TENM2: variants seen among roughly 807,000 people sequenced by gnomAD.
TENM2 encodes teneurin transmembrane protein 2.
A neutral mutation model predicts 245.2 loss-of-function variants in TENM2; 52 were observed. That is an observed-to-expected ratio of 0.21 (90% CI 0.17 to 0.27). TENM2 has a LOEUF of 0.27. Ranked by LOEUF, TENM2 falls within the 10% of genes least tolerant of loss-of-function variation. The probability of loss-of-function intolerance (pLI) is 1.00; values close to 1 mark genes in which losing one functional copy is unlikely to be tolerated. For synonymous variants in TENM2, 1,363 were observed against 1,438.9 expected, an observed-to-expected ratio of 0.95 and a Z score of 1.19; for missense variants, 3,046 against 3,666.8, an observed-to-expected ratio of 0.83 and a Z score of 4.37.
the TENM2 span, among the ~76,000 whole-genome samples, chr5:167,255,057 G>A: frequency 6.7e-6 from 1 of 149,002 alleles, no homozygotes; most frequent in Non-Finnish European, 1.5e-5. Context: ...TACAGAGAAT[G>A]TATTTCTTTT....
exon 12 of TENM2, chr5:168,126,847 G>A (rs1467554495): frequency 2.5e-6 from 4 of 1,611,018 alleles, no homozygotes; most frequent in South Asian, 2.2e-5. Context: ...TGTGACCAGC[G>A]CGTGTGCCAC....
At chr5:167,356,844 A>G (rs1223177802) in intron 1 of TENM2, among the ~76,000 whole-genome samples, 2 of 152,232 alleles carry the variant, frequency 1.3e-5, no homozygotes, top group Non-Finnish European at 2.9e-5. Context: ...TTCTCCATAA[A>G]AAGACATTTA....
intron 1 of TENM2, among the ~76,000 whole-genome samples, chr5:167,307,735 A>G (rs1561851014): frequency 6.6e-6 from 1 of 152,218 alleles, no homozygotes; most frequent in Non-Finnish European, 1.5e-5. Flanking sequence ...ACATTAAGTA[A>G]AAAAAGAAAA....
At chr5:168,142,311 A>G (rs954579003) in intron 12 of TENM2, among the ~76,000 whole-genome samples, 4 of 152,260 alleles carry the variant, frequency 2.6e-5, no homozygotes, top group Admixed American at 1.3e-4. Flanking sequence ...CCAACAGGTC[A>G]CTTTAAGTCA....
chr5:168,247,430 A>G lies in TENM2; in HGVS notation c.6491A>G (p.Gln2164Arg). The G allele has an allele frequency of 6.2e-7, 1 of 1,613,940 alleles. No individual in the cohort carries two copies. Among genetic ancestry groups the G allele is most frequent in the East Asian group, 2.2e-5 (1 of 44,864 alleles). The change falls in exon 27 of 29, where the codon CAG (glutamine) becomes CGG (arginine). Residue 2164 changes from glutamine to arginine, a missense_variant. Physicochemically the swap from Gln to Arg is conservative, Grantham distance 43. Around this residue, in one of 2 missense-constraint regions of TENM2, gnomAD observed 2,704 missense variants for 3,331.9 expected, o/e 0.81. Coordinates refer to ENST00000518659, the Ensembl canonical transcript of TENM2. This position sits in a 1 kb window ranked among gnomAD's most constrained non-coding sequence, Gnocchi z 7.8. Reference sequence around the variant, plus strand: ...ACCCATGGGCGGATCAAGGAGGTCCAGTATGAGATGTTCCGGTCCCTCATG... The same window carrying G: ...ACCCATGGGCGGATCAAGGAGGTCCGGTATGAGATGTTCCGGTCCCTCATG...
At chr5:167,345,642 T>C (rs933516837) in intron 1 of TENM2, among the ~76,000 whole-genome samples, 1 of 152,142 alleles carries the variant, frequency 6.6e-6, no homozygotes, top group African/African-American at 2.4e-5. Context: ...TTTACAAATT[T>C]TTATTAGCAG....
At chr5:167,791,630 A>G (rs1764983436) in intron 2 of TENM2, among the ~76,000 whole-genome samples, 1 of 151,204 alleles carries the variant, frequency 6.6e-6, no homozygotes, top group Non-Finnish European at 1.5e-5. Context: ...CCTAAGTATG[A>G]TGATCCCAAA....
intron 2 of TENM2, among the ~76,000 whole-genome samples, chr5:167,391,163 C>T (rs1420655518): frequency 6.6e-6 from 1 of 152,126 alleles, no homozygotes; most frequent in Non-Finnish European, 1.5e-5. Flanking sequence ...GGTGTACTCC[C>T]ACTCCTTTGA....
chr5:167,691,725 C>T (rs1296358260), intron 2 of TENM2, among the ~76,000 whole-genome samples: 3 of 152,208 alleles, frequency 2.0e-5, no homozygotes, highest in Middle Eastern at 3.4e-3. Context: ...AGGGAAGAGA[C>T]GCTGTGGCTC....
the TENM2 span, among the ~76,000 whole-genome samples, chr5:167,175,420 T>A: frequency 6.6e-6 from 1 of 152,392 alleles, no homozygotes; most frequent in South Asian, 2.1e-4. Flanking sequence ...CTTATGTGAT[T>A]GAAAAGATAA....
At chr5:168,156,635 G>A (rs62383436) in intron 12 of TENM2, among the ~76,000 whole-genome samples, 63,822 of 151,856 alleles carry the variant, frequency 0.42, 13,858 homozygotes, top group East Asian at 0.61. Context: ...CCTTTTTACC[G>A]TGCTGTAGAC....
intron 3 of TENM2, among the ~76,000 whole-genome samples, chr5:167,916,124 C>T (rs1247910704): frequency 1.3e-5 from 2 of 152,206 alleles, no homozygotes; most frequent in Admixed American, 1.3e-4. Context: ...CATGGATTAT[C>T]GCATGAGTTT....
At chr5:167,959,072 T>C (rs1048208027) in intron 4 of TENM2, among the ~76,000 whole-genome samples, 9 of 152,204 alleles carry the variant, frequency 5.9e-5, no homozygotes, top group African/African-American at 2.2e-4. Flanking sequence ...TCCTGAAGAG[T>C]GTTTTCCAAT....
chr5:168,039,604 C>A (rs1788007505), intron 5 of TENM2, among the ~76,000 whole-genome samples: 1 of 152,046 alleles, frequency 6.6e-6, no homozygotes, highest in Non-Finnish European at 1.5e-5. Flanking sequence ...GGAAACGACA[C>A]TCTGTGCGGC....
intron 2 of TENM2, among the ~76,000 whole-genome samples, chr5:167,541,217 C>A (rs1178212289): frequency 6.6e-6 from 1 of 152,106 alleles, no homozygotes; most frequent in Non-Finnish European, 1.5e-5. Flanking sequence ...ATTGTTAATG[C>A]AAGTTTCAAT....
intron 2 of TENM2, among the ~76,000 whole-genome samples, chr5:167,855,043 T>C (rs1400044221): frequency 6.6e-6 from 1 of 152,212 alleles, no homozygotes; most frequent in African/African-American, 2.4e-5. Context: ...CAGAACCTTC[T>C]ATCAGCTTTC....
intron 1 of TENM2, among the ~76,000 whole-genome samples, chr5:167,318,420 AGTT>A (rs1041999333): frequency 6.6e-6 from 1 of 151,634 alleles, no homozygotes; most frequent in African/African-American, 2.4e-5. Flanking sequence ...GAATAGATGA[AGTT>A]GTTCATTTTT....
chr5:167,522,625 A>G (rs576790184), intron 2 of TENM2, among the ~76,000 whole-genome samples: 19 of 150,688 alleles, frequency 1.3e-4, no homozygotes, highest in African/African-American at 3.9e-4. Context: ...GTTATCATAT[A>G]AAAATAAAAA....
chr5:167,670,212 A>G (rs1050421463), intron 2 of TENM2, among the ~76,000 whole-genome samples: 1 of 152,180 alleles, frequency 6.6e-6, no homozygotes, highest in Non-Finnish European at 1.5e-5. Context: ...TTTCACATCA[A>G]AAAGATGGAT....
Sources: gnomAD v4.1 joint callset for allele counts (sites outside exome capture counted in the v4.1 genomes callset) on GRCh38, gnomAD v4.1.1 for gene constraint, gnomAD v4.1.1 regional missense constraint, Gnocchi (gnomAD v3.1) non-coding constraint, MANE v1.5 for transcripts, NCBI Gene and HGNC (gene_info 2026-07-23, HGNC 2026-07-21) for gene names.